PTPRK: variants seen among roughly 807,000 people sequenced by gnomAD.
The protein encoded by PTPRK is receptor-type tyrosine-protein phosphatase kappa.
In PTPRK, 75 loss-of-function variants were observed where a neutral mutation model predicts 178.0. The observed-to-expected ratio is 0.42, with a 90% CI of 0.35 to 0.51. The LOEUF (loss-of-function observed/expected upper bound fraction) is 0.51. Ranked by LOEUF, PTPRK falls within the 20% of genes least tolerant of loss-of-function variation. The probability of loss-of-function intolerance (pLI) is 0.02; values close to 1 mark genes in which losing one functional copy is unlikely to be tolerated. For missense variants in PTPRK, 1,441 were observed against 1,797.8 expected (o/e 0.80, Z 3.59); for synonymous variants, 637 against 620.6 (o/e 1.03, Z -0.39).
intron 14 of PTPRK, chr6:128,008,137 GA>G: frequency 8.8e-7 from 1 of 1,142,120 alleles, no homozygotes; most frequent in Non-Finnish European, 1.2e-6. Context: ...AACTCTGATG[GA>G]ATCATTAAAA....
At chr6:128,093,625 GAAAAAACAAAAAAACAAAACAAAAC>G (rs1787412063) in intron 7 of PTPRK, among the ~76,000 whole-genome samples, 2 of 62,892 alleles carry the variant, frequency 3.2e-5, no homozygotes, top group African/African-American at 1.3e-4. Context: ...AAAAAAAAAC[GAAAAAACAAAAAAACAAAACAAAAC>G]AAAAAACAAA....
chr6:128,113,130 C>T (rs1016839325), intron 7 of PTPRK, among the ~76,000 whole-genome samples: 14 of 152,052 alleles, frequency 9.2e-5, no homozygotes, highest in African/African-American at 3.4e-4. Flanking sequence ...TCTTCGCCTC[C>T]AGTTCTATCA....
chr6:127,972,983 C>T lies in PTPRK; in HGVS notation c.4269+39G>A, dbSNP rs375775055. The T allele has an allele frequency of 1.3e-5, 20 of 1,597,872 alleles. No individual in the cohort carries two copies. In the Admixed American group the frequency reaches 3.3e-4, roughly 27 times the overall value. On this transcript the variant is annotated intron_variant, in intron 29 of 29. Coordinates refer to ENST00000368226, the MANE Select transcript of PTPRK (RefSeq NM_002844.4). ...ATAAGTAGGTATATGACTAACTAAT[C>T]TCTAAGATGCCTTCCAAATCTAAGA...
At chr6:128,110,053 G>A (rs1259571733) in intron 7 of PTPRK, among the ~76,000 whole-genome samples, 1 of 152,008 alleles carries the variant, frequency 6.6e-6, no homozygotes, top group Non-Finnish European at 1.5e-5. Context: ...CTACAGGTAT[G>A]CACCACCATG....
intron 1 of PTPRK, among the ~76,000 whole-genome samples, chr6:128,406,268 A>T (rs530655749): frequency 9.9e-5 from 15 of 151,722 alleles, no homozygotes; most frequent in Non-Finnish European, 1.9e-4. Flanking sequence ...TAATAATAAT[A>T]ATTATATATA....
At chr6:128,353,637 A>G (rs990164170) in intron 2 of PTPRK, among the ~76,000 whole-genome samples, 1 of 152,250 alleles carries the variant, frequency 6.6e-6, no homozygotes, top group Non-Finnish European at 1.5e-5. Flanking sequence ...ACATACATAC[A>G]TATACACACA....
intron 1 of PTPRK, among the ~76,000 whole-genome samples, chr6:128,429,151 T>G (rs1186026162): frequency 2.0e-5 from 3 of 152,202 alleles, no homozygotes; most frequent in African/African-American, 7.2e-5. Context: ...GTCACTTAGC[T>G]TATGTGTGTG....
At chr6:128,488,207 A>G (rs1211486058) in intron 1 of PTPRK, among the ~76,000 whole-genome samples, 4 of 152,196 alleles carry the variant, frequency 2.6e-5, no homozygotes, top group Non-Finnish European at 4.4e-5. Flanking sequence ...AAGGGCAGGA[A>G]GCATCCAGCA....
intron 7 of PTPRK, among the ~76,000 whole-genome samples, chr6:128,165,609 T>C (rs1371334386): frequency 6.6e-6 from 1 of 151,002 alleles, no homozygotes; most frequent in East Asian, 1.9e-4. Context: ...CAATATAAAC[T>C]TAAATAAATA....
At chr6:128,040,058 G>C (rs1346136303) in intron 13 of PTPRK, among the ~76,000 whole-genome samples, 1 of 152,084 alleles carries the variant, frequency 6.6e-6, no homozygotes. Flanking sequence ...TACTGTGCTG[G>C]GAAAGCCAAG....
rs1056725001 is a variant in PTPRK at position 128,050,083 on chromosome 6, C to T, written c.2194+14675G>A. 3.3e-5 allele frequency among the ~76,000 whole-genome samples: 5 copies of T among 151,966 alleles called. No homozygotes were observed. In the East Asian group the frequency reaches 5.8e-4, roughly 18 times the overall value. On this transcript the variant is annotated intron_variant, in intron 13 of 29. Coordinates refer to ENST00000368226, the MANE Select transcript of PTPRK (RefSeq NM_002844.4). The stretch of plus-strand genomic sequence containing the variant: ...CCCAGGAGGTGGAGGTTGTGGTGAG[C>T]GGAGATCACGCCATTGAACTCCAGC...
At chr6:128,472,268 T>C in intron 1 of PTPRK, among the ~76,000 whole-genome samples, 1 of 152,110 alleles carries the variant, frequency 6.6e-6, no homozygotes, top group South Asian at 2.1e-4. Context: ...CCCGGTTGTG[T>C]TGCTTCTGTT....
chr6:128,253,275 C>T (rs1353712313), intron 3 of PTPRK, among the ~76,000 whole-genome samples: 1 of 152,122 alleles, frequency 6.6e-6, no homozygotes, highest in African/African-American at 2.4e-5. Context: ...CTGAAATAAT[C>T]CAAGATCTAA....
rs35498015 is a variant in PTPRK, at chr6:127,989,814, G to GT, written c.3096+954dup. ...CAATTGTGTTTCTTCAGAGATTCTAGTTTTTTTTTTTTTCTTCTACTGGTA... is the reference window on the plus strand; with the variant it reads ...CAATTGTGTTTCTTCAGAGATTCTAGTTTTTTTTTTTTTTCTTCTACTGGTA... On this transcript the variant is annotated intron_variant, in intron 21 of 29. Coordinates refer to ENST00000368226, the MANE Select transcript of PTPRK (RefSeq NM_002844.4). 7.8e-3 allele frequency among the ~76,000 whole-genome samples: 1,153 copies of GT among 147,296 alleles called. 26 individuals are homozygous for GT. Among genetic ancestry groups the GT allele is most frequent in the East Asian group, 0.053 (268 of 5,042 alleles).
chr6:128,498,766 CAT>C (rs1855106298), intron 1 of PTPRK, among the ~76,000 whole-genome samples: 1 of 152,098 alleles, frequency 6.6e-6, no homozygotes, highest in Admixed American at 6.6e-5. Flanking sequence ...TGGATACCCA[CAT>C]AGATAGATAA....
intron 1 of PTPRK, among the ~76,000 whole-genome samples, chr6:128,448,990 G>T (rs899525294): frequency 6.6e-6 from 1 of 152,012 alleles, no homozygotes; most frequent in Non-Finnish European, 1.5e-5. Flanking sequence ...CTCCTGAGTA[G>T]CTGGGACTAC....
In PTPRK at chr6:128,307,344, A is replaced by G. The variant is rs1826561632; in HGVS notation, c.495+14695T>C. 2.0e-5 allele frequency among the ~76,000 whole-genome samples: 3 copies of G among 151,244 alleles called. No individual in the cohort carries two copies. The East Asian group carries it at 5.8e-4, about 29-fold the overall frequency. ...TGTATATAAAATCAAACCCAAAGTC[A>G]TCAAATATTTAAATTGGAAAGGCAA... is the stretch of plus-strand genomic sequence containing the variant. On this transcript the variant is annotated intron_variant, in intron 3 of 29. Coordinates refer to ENST00000368226, the MANE Select transcript of PTPRK (RefSeq NM_002844.4).
chr6:128,289,434 A>G (rs752927774), intron 3 of PTPRK, among the ~76,000 whole-genome samples: 80 of 152,206 alleles, frequency 5.3e-4, no homozygotes, highest in Non-Finnish European at 1.6e-4. Context: ...AGTTCAAAGT[A>G]TTGAAATAGA....
chr6:128,061,554 T>G (rs1357280853), intron 13 of PTPRK, among the ~76,000 whole-genome samples: 1 of 140,030 alleles, frequency 7.1e-6, no homozygotes, highest in African/African-American at 3.1e-5. Context: ...GGGTGGGGGT[T>G]GGGAGGCAGG....
Sources: allele counts gnomAD v4.1 joint callset (sites outside exome capture counted in the v4.1 genomes callset), GRCh38; gene constraint gnomAD v4.1.1; transcripts MANE v1.5; gene names NCBI Gene and HGNC (gene_info 2026-07-23, HGNC 2026-07-21).